Variants in FHOD3 observed in about 807,000 individuals in gnomAD.
FHOD3 encodes the protein FH1/FH2 domain-containing protein 3.
FHOD3 carries 90 observed loss-of-function variants against 173.0 expected under a neutral mutation model. That is an observed-to-expected ratio of 0.52 (90% confidence interval 0.44 to 0.62). The LOEUF (loss-of-function observed/expected upper bound fraction) is 0.62. Ranked by LOEUF, FHOD3 falls within the 20% of genes least tolerant of loss-of-function variation. The probability of loss-of-function intolerance (pLI) is 0.00; values close to 1 mark genes in which losing one functional copy is unlikely to be tolerated. For missense variants in FHOD3, 1,945 were observed against 2,034.7 expected (o/e 0.96, Z 0.85); for synonymous variants, 828 against 823.0 (o/e 1.01, Z -0.10).
chr18:36,469,664 T>C (rs1361593287), intron 3 of FHOD3, among the ~76,000 whole-genome samples: 4 of 152,166 alleles, frequency 2.6e-5, no homozygotes, highest in Non-Finnish European at 5.9e-5. Flanking sequence ...TTGGCAGGCA[T>C]GTCAGGCTCG....
intron 19 of FHOD3, among the ~76,000 whole-genome samples, chr18:36,724,926 C>T (rs920578742): frequency 2.0e-5 from 3 of 152,162 alleles, no homozygotes; most frequent in Admixed American, 6.5e-5. Context: ...CTGGCTGCTT[C>T]CCAGGCTTCT....
At chr18:36,582,271 A>G (rs2058879117) in intron 6 of FHOD3, among the ~76,000 whole-genome samples, 1 of 152,220 alleles carries the variant, frequency 6.6e-6, no homozygotes, top group Non-Finnish European at 1.5e-5. Context: ...AGCCACTGGC[A>G]TGTCACTGTT....
chr18:36,650,694 A>G (rs1322934181), intron 11 of FHOD3, among the ~76,000 whole-genome samples: 4 of 152,194 alleles, frequency 2.6e-5, no homozygotes, highest in African/African-American at 7.2e-5. Context: ...TATCTGCTGA[A>G]AGGTGCATGT....
chr18:36,600,341 G>A (rs902680123), intron 7 of FHOD3, among the ~76,000 whole-genome samples: 6 of 151,942 alleles, frequency 3.9e-5, no homozygotes, highest in Non-Finnish European at 5.9e-5. Flanking sequence ...GCAATGAGGA[G>A]AGTGAGTGGA....
At chr18:36,492,349 A>G (rs1174314998) in intron 3 of FHOD3, among the ~76,000 whole-genome samples, 2 of 152,074 alleles carry the variant, frequency 1.3e-5, no homozygotes, top group African/African-American at 4.8e-5. Context: ...CTCACATGAC[A>G]TTGCCATGGT....
At chr18:36,461,470 T>C (rs945870974) in intron 3 of FHOD3, among the ~76,000 whole-genome samples, 84 of 151,544 alleles carry the variant, frequency 5.5e-4, no homozygotes, top group African/African-American at 2.0e-3. Context: ...TTTTTTTTTT[T>C]CTCCAAAGCC....
intron 9 of FHOD3, among the ~76,000 whole-genome samples, chr18:36,622,414 G>A (rs1458294916): frequency 2.0e-5 from 3 of 152,172 alleles, no homozygotes; most frequent in Non-Finnish European, 4.4e-5. Flanking sequence ...ACTGGTAGAA[G>A]TGGTTACAGA....
At chr18:36,610,332 G>A (rs7226775) in intron 8 of FHOD3, among the ~76,000 whole-genome samples, 3,646 of 152,306 alleles carry the variant, frequency 0.024, 155 homozygotes, top group African/African-American at 0.084. Context: ...AGCAAAGGAT[G>A]ATAGGATTCT....
chr18:36,547,463 G>A (rs73948039), intron 5 of FHOD3, among the ~76,000 whole-genome samples: 32,181 of 151,966 alleles, frequency 0.21, 3,595 homozygotes, highest in Admixed American at 0.29. Context: ...AGTAGAGAAG[G>A]GGTTTCACCA....
chr18:36,348,780 G>A (rs1448367157), intron 1 of FHOD3, among the ~76,000 whole-genome samples: 1 of 152,090 alleles, frequency 6.6e-6, no homozygotes, highest in East Asian at 1.9e-4. Context: ...CAGGACTTTG[G>A]GCTCAGGTAT....
At chr18:36,618,310 GGT>G (rs371082323) in intron 9 of FHOD3, among the ~76,000 whole-genome samples, 2,051 of 85,102 alleles carry the variant, frequency 0.024, 119 homozygotes, top group African/African-American at 0.08. Flanking sequence ...GTTTTTTGGT[GGT>G]TTTTTTTTTT....
chr18:36,779,414 A>G, intron 28 of FHOD3, 34 bp from the exon 29 acceptor site: 1 of 1,606,400 alleles, frequency 6.2e-7, no homozygotes, highest in Non-Finnish European at 8.5e-7. Flanking sequence ...TTTTCTTCTC[A>G]TCCCTTTGGG....
At chr18:36,348,881 G>A (rs1268402078) in intron 1 of FHOD3, among the ~76,000 whole-genome samples, 1 of 152,174 alleles carries the variant, frequency 6.6e-6, no homozygotes, top group African/African-American at 2.4e-5. Flanking sequence ...CGGGCAACTC[G>A]AAGGGGGCAA....
At chr18:36,776,392 A>G (rs888196313) in intron 28 of FHOD3, among the ~76,000 whole-genome samples, 1 of 152,110 alleles carries the variant, frequency 6.6e-6, no homozygotes, top group African/African-American at 2.4e-5. Flanking sequence ...CAGATGGTTG[A>G]CCAAACACCC....
intron 3 of FHOD3, among the ~76,000 whole-genome samples, chr18:36,463,124 T>C (rs1257815971): frequency 6.6e-6 from 1 of 152,104 alleles, no homozygotes; most frequent in Non-Finnish European, 1.5e-5. Context: ...ACAACTATGT[T>C]AATGGGAATT....
chr18:36,618,310 GGTTTTT>G (rs1451321787), intron 9 of FHOD3, among the ~76,000 whole-genome samples: 2 of 85,226 alleles, frequency 2.3e-5, no homozygotes, highest in African/African-American at 8.1e-5. Context: ...GTTTTTTGGT[GGTTTTT>G]TTTTTTTTTT....
intron 14 of FHOD3, among the ~76,000 whole-genome samples, chr18:36,675,209 G>C (rs1425453842): frequency 6.6e-6 from 1 of 152,076 alleles, no homozygotes; most frequent in Non-Finnish European, 1.5e-5. Flanking sequence ...GGTAAGCTGG[G>C]TGTCCCTGGC....
At chr18:36,355,328 T>C (rs115273854) in intron 1 of FHOD3, among the ~76,000 whole-genome samples, 2,040 of 152,324 alleles carry the variant, frequency 0.013, 33 homozygotes, top group African/African-American at 0.046. Flanking sequence ...GCTGTCGATG[T>C]CACTCTGTTA....
intron 6 of FHOD3, among the ~76,000 whole-genome samples, chr18:36,578,567 C>T (rs2058739261): frequency 6.6e-6 from 1 of 152,152 alleles, no homozygotes; most frequent in African/African-American, 2.4e-5. Flanking sequence ...TGAGCCTTTC[C>T]AGGCTGCTGT....
Sources: allele counts gnomAD v4.1 joint callset (sites outside exome capture counted in the v4.1 genomes callset), GRCh38; gene constraint gnomAD v4.1.1; transcripts MANE v1.5; gene names NCBI Gene and HGNC (gene_info 2026-07-23, HGNC 2026-07-21).